PHKB: variants seen among roughly 807,000 people sequenced by gnomAD.
PHKB encodes the protein phosphorylase kinase regulatory subunit beta, also known as phosphorylase b kinase regulatory subunit beta.
A neutral mutation model predicts 152.1 loss-of-function variants in PHKB; 122 were observed. The ratio of observed to expected loss-of-function variants is 0.80; its 90% CI spans 0.69 to 0.93. The LOEUF (loss-of-function observed/expected upper bound fraction) is 0.93, where lower values mean the gene tolerates loss of function less well. Among genes scored for constraint, PHKB ranks in the 40% least tolerant of loss-of-function variants. The pLI is 0.00. For missense variants in PHKB, 1,304 were observed against 1,328.4 expected (o/e 0.98, Z 0.29); for synonymous variants, 436 against 464.9 (o/e 0.94, Z 0.80).
intron 7 of PHKB, among the ~76,000 whole-genome samples, chr16:47,556,701 G>A (rs1971376797): frequency 6.6e-6 from 1 of 152,176 alleles, no homozygotes; most frequent in African/African-American, 2.4e-5. Context: ...TTGCATCAAT[G>A]TTCATCAAGG....
chr16:47,494,979 G>C (rs1245951606), intron 1 of PHKB, among the ~76,000 whole-genome samples: 1 of 152,156 alleles, frequency 6.6e-6, no homozygotes, highest in Non-Finnish European at 1.5e-5. Flanking sequence ...ACAATACAAT[G>C]ATGATCACTA....
chr16:47,547,369 C>T (rs975150055), intron 6 of PHKB, 64 bp from the exon 7 acceptor site: 2 of 988,054 alleles, frequency 2.0e-6, no homozygotes, highest in African/African-American at 3.2e-5. Flanking sequence ...AGGCATGAGC[C>T]ACCACACCCG....
intron 13 of PHKB, among the ~76,000 whole-genome samples, chr16:47,600,128 A>G (rs1230192847): frequency 3.3e-5 from 5 of 152,204 alleles, no homozygotes; most frequent in Non-Finnish European, 7.3e-5. Flanking sequence ...AGTGAAGTCT[A>G]ATAATATTTT....
intron 7 of PHKB, chr16:47,548,102 T>G (rs1971205944): frequency 6.4e-6 from 1 of 156,002 alleles, no homozygotes; most frequent in African/African-American, 2.4e-5. Flanking sequence ...GTTAGTAGTT[T>G]ATGAATTTCT....
chr16:47,678,065 C>A (rs1334675721), intron 26 of PHKB, among the ~76,000 whole-genome samples: 4 of 151,906 alleles, frequency 2.6e-5, no homozygotes, highest in Non-Finnish European at 5.9e-5. Context: ...TGATGGTTTC[C>A]AGTTTCATCC....
At chr16:47,516,093 A>T (rs189747379) in intron 6 of PHKB, among the ~76,000 whole-genome samples, 24 of 152,034 alleles carry the variant, frequency 1.6e-4, no homozygotes, top group African/African-American at 5.3e-4. Context: ...ACGCCTGGCT[A>T]ATTTTTTGTA....
intron 6 of PHKB, among the ~76,000 whole-genome samples, chr16:47,539,400 A>G (rs1971010784): frequency 2.6e-5 from 4 of 152,088 alleles, no homozygotes; most frequent in Admixed American, 2.6e-4. Flanking sequence ...GACTTATTTA[A>G]CATTTCATAG....
At chr16:47,604,893 A>G (rs1972295541) in intron 13 of PHKB, among the ~76,000 whole-genome samples, 2 of 152,258 alleles carry the variant, frequency 1.3e-5, no homozygotes, top group South Asian at 4.1e-4. Context: ...TAAATGTAGA[A>G]AGCCATTATC....
rs74705954 is a variant in PHKB, at chr16:47,674,233, A to G, written c.2630+4816A>G. On this transcript the variant is annotated intron_variant, in intron 26 of 30. Transcript: ENST00000323584. ...TGTTGAGCATTTTACAGTGTAAGGAACTTGAGTAGGTACAAGTTAACAGAC... is the reference window on the plus strand; with the variant it reads ...TGTTGAGCATTTTACAGTGTAAGGAGCTTGAGTAGGTACAAGTTAACAGAC... Among the ~76,000 whole-genome samples, 886 of 152,066 alleles carry G rather than the reference A, an allele frequency of 5.8e-3. 3 individuals carry two copies. The highest frequency in any genetic ancestry group is 0.012 in the Admixed American group (181 of 15,250).
At chr16:47,523,569 C>A (rs1486998283) in intron 6 of PHKB, among the ~76,000 whole-genome samples, 1 of 152,214 alleles carries the variant, frequency 6.6e-6, no homozygotes, top group East Asian at 1.9e-4. Flanking sequence ...TGTAGAGCAT[C>A]CAGTTCAGCC....
intron 8 of PHKB, among the ~76,000 whole-genome samples, chr16:47,582,672 G>A (rs896784050): frequency 1.3e-5 from 2 of 152,200 alleles, no homozygotes; most frequent in Admixed American, 1.3e-4. Context: ...GCTCTAAGCC[G>A]AGTTAATTTT....
chr16:47,556,088 C>A (rs12921850), intron 7 of PHKB, among the ~76,000 whole-genome samples: 4 of 152,090 alleles, frequency 2.6e-5, no homozygotes, highest in East Asian at 1.9e-4. Context: ...TTATTGGTGT[C>A]TAAGAATGCT....
intron 2 of PHKB, among the ~76,000 whole-genome samples, chr16:47,499,484 T>A (rs1389801120): frequency 6.6e-6 from 1 of 152,242 alleles, no homozygotes; most frequent in Non-Finnish European, 1.5e-5. Context: ...CTAACACACA[T>A]TGACATTACT....
rs1974235469 is a variant in PHKB, at chr16:47,700,810, A to C, written c.*1444A>C. On this transcript the variant is annotated 3_prime_UTR_variant, in exon 31 of 31. Transcript: ENST00000323584. Reference sequence around the variant, plus strand: ...TGTAGTGTTTTGAAAGGATGTAAGAAAGGATGAGTGGCTTCAGTATTGAGT... The same window carrying C: ...TGTAGTGTTTTGAAAGGATGTAAGACAGGATGAGTGGCTTCAGTATTGAGT... The C allele has an allele frequency of 6.6e-6, 1 of 152,192 alleles. No homozygotes were observed. The highest frequency in any genetic ancestry group is 1.5e-5 in the Non-Finnish European group (1 of 68,038). The allele number at this position is 152,192 out of a possible 1,614,324, so 9.4% of individuals were successfully genotyped here. A position where few individuals can be genotyped will look rare whatever the true frequency, so the allele number is the denominator to read the frequency against.
intron 5 of PHKB, among the ~76,000 whole-genome samples, chr16:47,512,233 G>A (rs1970523132): frequency 6.6e-6 from 1 of 152,156 alleles, no homozygotes; most frequent in Non-Finnish European, 1.5e-5. Context: ...TAGAAGTATA[G>A]AATCAACTCT....
intron 5 of PHKB, among the ~76,000 whole-genome samples, chr16:47,514,330 G>A (rs969314174): frequency 6.6e-6 from 1 of 152,182 alleles, no homozygotes; most frequent in Non-Finnish European, 1.5e-5. Flanking sequence ...TGCCACTAAT[G>A]TGGCTTAGTC....
intron 4 of PHKB, 142 bp downstream of exon 4, chr16:47,503,232 C>A: frequency 1.5e-6 from 1 of 689,648 alleles, no homozygotes; most frequent in Non-Finnish European, 2.6e-6. Flanking sequence ...AGGTTAACAG[C>A]CTTTGCCATT....
chr16:47,559,078 T>C (rs981396749), intron 7 of PHKB, among the ~76,000 whole-genome samples: 1 of 152,220 alleles, frequency 6.6e-6, no homozygotes, highest in Non-Finnish European at 1.5e-5. Flanking sequence ...TTTATGGTAT[T>C]ACTGGGTTAA....
At chr16:47,487,445 C>T (rs1388372915) in intron 1 of PHKB, among the ~76,000 whole-genome samples, 13 of 150,344 alleles carry the variant, frequency 8.6e-5, no homozygotes, top group African/African-American at 2.9e-4. Context: ...TTTTTCTTTC[C>T]ACCTTTTATT....
Sources: gnomAD v4.1 joint callset for allele counts (sites outside exome capture counted in the v4.1 genomes callset) on GRCh38, gnomAD v4.1.1 for gene constraint, MANE v1.5 for transcripts, NCBI Gene and HGNC (gene_info 2026-07-23, HGNC 2026-07-21) for gene names.